The following COL10A1 variants were observed in gnomAD, a reference collection of about 807,000 sequenced individuals.
COL10A1 encodes collagen alpha-1(X) chain.
Under a neutral mutation model 18.2 loss-of-function variants are expected in COL10A1, and 10 were observed. That is an observed-to-expected ratio of 0.55 (90% CI 0.34 to 0.93). The LOEUF (loss-of-function observed/expected upper bound fraction) is 0.93. COL10A1 is among the 40% of genes least tolerant of loss of function. The pLI is 0.02. For missense variants in COL10A1, 897 were observed against 853.5 expected (o/e 1.05, Z -0.64); for synonymous variants, 330 against 316.6 (o/e 1.04, Z -0.45).
the COL10A1 span, among the ~76,000 whole-genome samples, chr6:116,186,513 T>C: frequency 6.6e-6 from 1 of 151,908 alleles, no homozygotes; most frequent in Non-Finnish European, 1.5e-5. Flanking sequence ...GGAACACCAG[T>C]TGTTCTTAGG....
At chr6:116,170,233 G>A in the COL10A1 span, among the ~76,000 whole-genome samples, 2 of 145,390 alleles carry the variant, frequency 1.4e-5, no homozygotes, top group African/African-American at 5.0e-5. Flanking sequence ...AATGAAAGGA[G>A]ATTATCTTGT....
intron 1 of COL10A1, among the ~76,000 whole-genome samples, chr6:116,153,812 A>G (rs1340317738): frequency 6.6e-6 from 1 of 152,148 alleles, no homozygotes; most frequent in Non-Finnish European, 1.5e-5. Flanking sequence ...TGATAAACTG[A>G]GTATTGTTTC....
chr6:116,182,307 G>A, the COL10A1 span, among the ~76,000 whole-genome samples: 3 of 150,716 alleles, frequency 2.0e-5, no homozygotes, highest in Non-Finnish European at 4.4e-5. Context: ...ATTTGGGCTG[G>A]TTCCACATTT....
upstream of COL10A1, among the ~76,000 whole-genome samples, chr6:116,126,293 G>A (rs1047202039): frequency 6.6e-6 from 1 of 151,860 alleles, no homozygotes; most frequent in Non-Finnish European, 1.5e-5. Flanking sequence ...CCTTTTCCTT[G>A]TTTTCTTATT....
At position 116,120,507 on chromosome 6, in the gene COL10A1, T is replaced by A; in HGVS notation, c.1609A>T (p.Thr537Ser). ...CCCTGGTTGGCACTAACAAGAGGGG[T>A]CCCAGAAAGACTGGGCCTTTGGCCT... is the stretch of plus-strand genomic sequence containing the variant. The part of the protein sequence containing the change: ...KAGQRPSLSG[T>S]PLVSANQGVT... Residue 537 changes from threonine (T) to serine (S), a missense_variant, in exon 3 of 3, where the codon ACC (threonine) becomes TCC (serine). Transcript: ENST00000651968. 1 of 1,614,024 alleles carries A rather than the reference T, an allele frequency of 6.2e-7. No individual in the cohort carries two copies. The highest frequency in any genetic ancestry group is 8.5e-7 in the Non-Finnish European group (1 of 1,179,986).
intron 1 of COL10A1, chr6:116,158,585 C>G (rs1253792330): frequency 6.6e-6 from 1 of 152,034 alleles, no homozygotes; most frequent in Non-Finnish European, 1.5e-5. Flanking sequence ...TTACATAAAC[C>G]TATTGTCACA....
At chr6:116,206,429 G>A in the COL10A1 span, among the ~76,000 whole-genome samples, 1 of 151,922 alleles carries the variant, frequency 6.6e-6, no homozygotes, top group Non-Finnish European at 1.5e-5. Context: ...ACTTACCCAA[G>A]GAAATTGCAC....
At chr6:116,160,147 G>A (rs947560671), upstream of COL10A1, among the ~76,000 whole-genome samples, 1 of 152,090 alleles carries the variant, frequency 6.6e-6, no homozygotes, top group African/African-American at 2.4e-5. Context: ...GGGGTTGCTG[G>A]ATCAAAGGGT....
chr6:116,134,139 A>G (rs1277000497), intron 1 of COL10A1, among the ~76,000 whole-genome samples: 1 of 152,200 alleles, frequency 6.6e-6, no homozygotes, highest in Non-Finnish European at 1.5e-5. Flanking sequence ...ATGCTCCACA[A>G]TTGTGATTGG....
At chr6:116,165,582 C>G in the COL10A1 span, among the ~76,000 whole-genome samples, 2 of 152,204 alleles carry the variant, frequency 1.3e-5, no homozygotes, top group Non-Finnish European at 2.9e-5. Flanking sequence ...CGAAAAATGC[C>G]TCTCCTACAT....
At chr6:116,153,575 CTTAG>C (rs1035484890) in intron 1 of COL10A1, among the ~76,000 whole-genome samples, 3 of 152,042 alleles carry the variant, frequency 2.0e-5, no homozygotes, top group East Asian at 1.9e-4. Context: ...CTGTTAGGTA[CTTAG>C]TTAGGCTTCA....
chr6:116,187,286 T>C, the COL10A1 span, among the ~76,000 whole-genome samples: 2 of 152,112 alleles, frequency 1.3e-5, no homozygotes, highest in Non-Finnish European at 2.9e-5. Context: ...AAGTGGACTC[T>C]GTGAGGGTCA....
At chr6:116,160,905 G>A (rs547255778), upstream of COL10A1, among the ~76,000 whole-genome samples, 12 of 152,000 alleles carry the variant, frequency 7.9e-5, no homozygotes, top group East Asian at 3.9e-4. Context: ...TGTTTATTGC[G>A]GTATTATTCA....
the COL10A1 span, among the ~76,000 whole-genome samples, chr6:116,192,925 G>C: frequency 1.3e-5 from 2 of 152,016 alleles, no homozygotes; most frequent in East Asian, 3.9e-4. Context: ...ACTGGTCTCT[G>C]GTTTGGCTTG....
At chr6:116,205,287 G>A in the COL10A1 span, among the ~76,000 whole-genome samples, 1 of 151,846 alleles carries the variant, frequency 6.6e-6, no homozygotes, top group Admixed American at 6.6e-5. Context: ...TGACAACAAT[G>A]ATACTAGGGA....
At chr6:116,133,313 A>C (rs1425692537) in intron 1 of COL10A1, among the ~76,000 whole-genome samples, 1 of 152,198 alleles carries the variant, frequency 6.6e-6, no homozygotes, top group African/African-American at 2.4e-5. Context: ...CAGCTTTCAC[A>C]TGCAGTTTCT....
chr6:116,216,630 T>G, the COL10A1 span, among the ~76,000 whole-genome samples: 3 of 151,914 alleles, frequency 2.0e-5, no homozygotes, highest in Non-Finnish European at 4.4e-5. Context: ...AATCTAGATA[T>G]TCTAGATTTA....
intron 1 of COL10A1, among the ~76,000 whole-genome samples, chr6:116,138,301 G>T (rs956814143): frequency 6.6e-6 from 1 of 152,186 alleles, no homozygotes; most frequent in Non-Finnish European, 1.5e-5. Flanking sequence ...ACTGTTTTCT[G>T]TGGATATATT....
the COL10A1 span, among the ~76,000 whole-genome samples, chr6:116,182,222 A>AGAGAGAGAGAGTGTGTGTGT: frequency 6.4e-5 from 8 of 124,688 alleles, no homozygotes; most frequent in South Asian, 2.3e-3. Context: ...TTCCATGGAG[A>AGAGAGAGAGAGTGTGTGTGT]GTGTGTGTGT....
Sources: allele counts gnomAD v4.1 joint callset (sites outside exome capture counted in the v4.1 genomes callset), GRCh38; gene constraint gnomAD v4.1.1; transcripts MANE v1.5; gene names NCBI Gene and HGNC (gene_info 2026-07-23, HGNC 2026-07-21).